PEX7: variants seen among roughly 807,000 people sequenced by gnomAD.
The protein encoded by PEX7 is peroxisomal biogenesis factor 7.
PEX7 carries 34 observed loss-of-function variants against 47.5 expected under a neutral mutation model. The ratio of observed to expected loss-of-function variants is 0.72; its 90% CI spans 0.54 to 0.95. The LOEUF (loss-of-function observed/expected upper bound fraction) is 0.95. PEX7 is among the 40% of genes least tolerant of loss of function. The pLI, the probability that PEX7 is intolerant of heterozygous loss-of-function variation, is 0.00. For synonymous variants in PEX7, 141 were observed against 148.8 expected, an observed-to-expected ratio of 0.95 and a Z score of 0.38; for missense variants, 394 against 400.3, an observed-to-expected ratio of 0.98 and a Z score of 0.13.
At chr6:136,866,159 T>A (rs1343085818) in intron 5 of PEX7, among the ~76,000 whole-genome samples, 1 of 151,858 alleles carries the variant, frequency 6.6e-6, no homozygotes, top group Non-Finnish European at 1.5e-5. Context: ...AATACACTTA[T>A]AGCTGGCCCG....
chr6:136,894,630 G>A (rs1775614957), intron 8 of PEX7, among the ~76,000 whole-genome samples: 1 of 152,258 alleles, frequency 6.6e-6, no homozygotes, highest in African/African-American at 2.4e-5. Context: ...AAAGAAGAGA[G>A]ATGTGATACA....
intron 8 of PEX7, among the ~76,000 whole-genome samples, chr6:136,875,760 A>C (rs1775259894): frequency 6.6e-6 from 1 of 152,184 alleles, no homozygotes; most frequent in African/African-American, 2.4e-5. Context: ...TGGTATGTTA[A>C]AATCTCCTAT....
At chr6:136,879,080 TC>T (rs1775329942) in intron 8 of PEX7, among the ~76,000 whole-genome samples, 1 of 152,200 alleles carries the variant, frequency 6.6e-6, no homozygotes, top group South Asian at 2.1e-4. Context: ...CGCTTTTTTT[TC>T]CCTTTTCCAT....
At chr6:136,909,864 CAT>C (rs1238983444) in intron 9 of PEX7, among the ~76,000 whole-genome samples, 15 of 152,040 alleles carry the variant, frequency 9.9e-5, no homozygotes, top group Admixed American at 5.2e-4. Flanking sequence ...GTTTCAGAAA[CAT>C]AATTTATAGA....
At chr6:136,857,093 G>C (rs1774874484) in intron 5 of PEX7, among the ~76,000 whole-genome samples, 1 of 152,158 alleles carries the variant, frequency 6.6e-6, no homozygotes, top group Non-Finnish European at 1.5e-5. Flanking sequence ...GAATGAGTTG[G>C]GGTGTAGTAA....
intron 9 of PEX7, among the ~76,000 whole-genome samples, chr6:136,913,024 C>T (rs974340439): frequency 3.3e-5 from 5 of 152,198 alleles, no homozygotes; most frequent in East Asian, 1.9e-4. Flanking sequence ...ACCTTCCACA[C>T]TCAGTCTTGA....
intron 5 of PEX7, among the ~76,000 whole-genome samples, chr6:136,848,096 C>T (rs375068099): frequency 6.6e-6 from 1 of 151,772 alleles, no homozygotes; most frequent in Non-Finnish European, 1.5e-5. Context: ...TATTTTATTC[C>T]CTTTGTAGCA....
intron 8 of PEX7, among the ~76,000 whole-genome samples, chr6:136,880,434 G>A (rs1452455923): frequency 6.6e-6 from 1 of 152,042 alleles, no homozygotes; most frequent in Non-Finnish European, 1.5e-5. Flanking sequence ...ATGGTTTTAG[G>A]TCAGCGTTAG....
intron 9 of PEX7, among the ~76,000 whole-genome samples, chr6:136,913,015 C>T (rs1224369844): frequency 1.3e-5 from 2 of 152,200 alleles, no homozygotes; most frequent in Non-Finnish European, 2.9e-5. Context: ...TGTTAGTGCA[C>T]CTTCCACACT....
Position 136,822,814 on chromosome 6 carries a change from G to T in PEX7, c.130+19G>T. ...ATCGCGGGTGAGGCGGCGCCGCGCA[G>T]CTGGGGCCGGGGGGCGGAGGCGGAG... is the stretch of plus-strand genomic sequence containing the variant. On this transcript the variant is annotated intron_variant, in intron 1 of 9. Transcript: ENST00000318471. The T allele has an allele frequency of 7.9e-7, 1 of 1,258,564 alleles. No individual in the cohort carries two copies. The allele number at this position is 1,258,564 out of a possible 1,614,324, so 78.0% of individuals were successfully genotyped here. A position where few individuals can be genotyped will look rare whatever the true frequency, so the allele number is the denominator to read the frequency against.
chr6:136,904,113 G>T (rs915307069), intron 9 of PEX7, among the ~76,000 whole-genome samples: 1 of 152,166 alleles, frequency 6.6e-6, no homozygotes, highest in Non-Finnish European at 1.5e-5. Flanking sequence ...TTAGAAGATG[G>T]CAAGCATTAT....
rs1346868773 is a variant in PEX7, at chr6:136,900,552, C to T, written c.903+2311C>T. ...TCTTAGCCAAAGCCCTTTTGTCTTC[C>T]GAGTTAATCTGTGTGAAGGTGATGG... On this transcript the variant is annotated intron_variant, in intron 9 of 9. Transcript: ENST00000318471. The surrounding 1 kb of genome is among the most constrained non-coding windows in gnomAD (Gnocchi z 4.2). The T allele has an allele frequency of 9.0e-6, 4 of 442,980 alleles. No individual in the cohort carries two copies. Among genetic ancestry groups the T allele is most frequent in the African/African-American group, 2.0e-5 (1 of 49,406 alleles). 27.4% of individuals were successfully genotyped at this position (442,980 alleles called of 1,614,324 possible).
chr6:136,866,301 T>TC (rs1775071072), intron 5 of PEX7, among the ~76,000 whole-genome samples: 2 of 152,132 alleles, frequency 1.3e-5, no homozygotes. Flanking sequence ...TACAGAGTGA[T>TC]CACTTTATTT....
chr6:136,823,369 C>T (rs1774121160), intron 1 of PEX7: 1 of 984,782 alleles, frequency 1.0e-6, no homozygotes, highest in African/African-American at 1.7e-5. Context: ...GAGGAATGCA[C>T]ACATTCGCAA....
At chr6:136,878,868 TTTTC>T (rs1005799146) in intron 8 of PEX7, among the ~76,000 whole-genome samples, 1 of 115,834 alleles carries the variant, frequency 8.6e-6, no homozygotes. Context: ...TGTTGTGTTT[TTTTC>T]TTTGACAAAT....
rs374578981 is a variant in PEX7 at position 136,837,812 on chromosome 6, C to CTA, written c.340-7803_340-7802insTA. ...AGAATGAAAGCAATGAATTTAAACG[C>CTA]CACACACACACACACACACACACAC... On this transcript the variant is annotated intron_variant, in intron 3 of 9. Coordinates refer to ENST00000318471, the MANE Select transcript of PEX7 (RefSeq NM_000288.4). Among the ~76,000 whole-genome samples the CTA allele has an allele frequency of 4.0e-3, 584 of 146,804 alleles. 3 individuals carry two copies. The highest frequency in any genetic ancestry group is 0.019 in the East Asian group (92 of 4,964).
chr6:136,913,399 C>A, intron 9 of PEX7, 59 bp from the exon 10 acceptor site: 1 of 1,229,880 alleles, frequency 8.1e-7, no homozygotes, highest in South Asian at 1.2e-5. Flanking sequence ...TTTTTGCTGT[C>A]AATTTTGAAT....
intron 6 of PEX7, among the ~76,000 whole-genome samples, chr6:136,869,025 G>A (rs1270785767): frequency 6.6e-6 from 1 of 152,086 alleles, no homozygotes; most frequent in Non-Finnish European, 1.5e-5. Flanking sequence ...TTTTTCAGAT[G>A]TGCCTAAATG....
Position 136,822,619 on chromosome 6 carries a change from A to T in PEX7, c.-47A>T. ...CCGCGCCAGTGTGCCTCCGACTCGG[A>T]ACGGCTTCCGCGGCCGGGGCAGCGA... On this transcript the variant is annotated 5_prime_UTR_variant, in exon 1 of 10. Transcript: ENST00000318471. 5 of 1,509,738 alleles carry T rather than the reference A, an allele frequency of 3.3e-6. No individual in the cohort carries two copies. The highest frequency in any genetic ancestry group is 4.4e-6 in the Non-Finnish European group (5 of 1,127,154). 93.5% of individuals were successfully genotyped at this position (1,509,738 alleles called of 1,614,324 possible).
Sources: gnomAD v4.1 joint callset for allele counts (sites outside exome capture counted in the v4.1 genomes callset) on GRCh38, gnomAD v4.1.1 for gene constraint, Gnocchi (gnomAD v3.1) non-coding constraint, MANE v1.5 for transcripts, NCBI Gene and HGNC (gene_info 2026-07-23, HGNC 2026-07-21) for gene names.